Variants in NALCN observed in about 807,000 individuals in gnomAD.
NALCN encodes sodium leak channel, non-selective.
NALCN carries 111 observed loss-of-function variants against 225.3 expected under a neutral mutation model. That is an observed-to-expected ratio of 0.49 (90% CI 0.42 to 0.58). The LOEUF is 0.58. NALCN is among the 20% of genes least tolerant of loss of function. The pLI is 0.00. For missense variants in NALCN, 1,378 were observed against 2,202.4 expected, an observed-to-expected ratio of 0.63 and a Z score of 7.49; for synonymous variants, 764 against 769.0, an observed-to-expected ratio of 0.99 and a Z score of 0.11.
At chr13:101,382,384 C>T (rs1259111621) in intron 3 of NALCN, among the ~76,000 whole-genome samples, 1 of 151,756 alleles carries the variant, frequency 6.6e-6, no homozygotes, top group Non-Finnish European at 1.5e-5. Flanking sequence ...GTTTTTGGAC[C>T]AATGCTTACA....
intron 17 of NALCN, among the ~76,000 whole-genome samples, chr13:101,135,402 ATT>A (rs973219443): frequency 6.6e-6 from 1 of 151,586 alleles, no homozygotes; most frequent in Non-Finnish European, 1.5e-5. Flanking sequence ...AAATTCCAAA[ATT>A]TTTTTTTGTT....
intron 10 of NALCN, among the ~76,000 whole-genome samples, chr13:101,278,825 A>C (rs536866031): frequency 5.9e-5 from 9 of 152,324 alleles, no homozygotes; most frequent in Admixed American, 2.6e-4. Context: ...AACGACATGC[A>C]TATAGAAATA....
intron 6 of NALCN, among the ~76,000 whole-genome samples, chr13:101,346,827 A>T (rs2139306465): frequency 6.6e-6 from 1 of 152,240 alleles, no homozygotes; most frequent in African/African-American, 2.4e-5. Flanking sequence ...ACACAGATTG[A>T]GCAGACGCCA....
At chr13:101,215,641 A>G (rs1594454361) in intron 13 of NALCN, among the ~76,000 whole-genome samples, 1 of 152,006 alleles carries the variant, frequency 6.6e-6, no homozygotes, top group South Asian at 2.1e-4. Context: ...GCTGTTGCCC[A>G]GGGTCTTGGC....
chr13:101,208,482 T>C (rs1293853863), intron 13 of NALCN, among the ~76,000 whole-genome samples: 2 of 152,254 alleles, frequency 1.3e-5, no homozygotes, highest in Non-Finnish European at 1.5e-5. Flanking sequence ...AGGGCTTTAG[T>C]ATTCCCAACT....
intron 17 of NALCN, among the ~76,000 whole-genome samples, chr13:101,132,111 C>T (rs928602403): frequency 6.6e-6 from 1 of 151,732 alleles, no homozygotes; most frequent in Non-Finnish European, 1.5e-5. Context: ...TTAATTTAAG[C>T]CTTTATTTCT....
chr13:101,347,100 C>T (rs926790486), intron 6 of NALCN, among the ~76,000 whole-genome samples: 1 of 151,536 alleles, frequency 6.6e-6, no homozygotes, highest in Non-Finnish European at 1.5e-5. Context: ...AATCCCTTAG[C>T]TATTTGCTGC....
In NALCN at chr13:101,258,475, T is replaced by C. The variant is rs750010677; in HGVS notation, c.1234A>G (p.Arg412Gly). ...AGGTAGAACTCGTCGTACTGCCTCC[T>C]GAAGTTTTCTCCTTTGTAGTAGTTG... ...ASNYYKGENF[R>G]RQYDEFYLAE... is the part of the protein sequence containing the mutation. The change falls in exon 11 of 44, where the codon AGG becomes GGG. Residue 412 changes from arginine (R) to glycine (G), a missense_variant. Coordinates refer to ENST00000251127, the MANE Select transcript of NALCN (RefSeq NM_052867.4). 3 of 1,614,080 alleles carry C rather than the reference T, an allele frequency of 1.9e-6. No homozygotes were observed. The highest frequency in any genetic ancestry group is 2.2e-5 in the South Asian group (2 of 91,084).
At chr13:101,291,422 A>C (rs1267042637) in intron 9 of NALCN, among the ~76,000 whole-genome samples, 2 of 152,200 alleles carry the variant, frequency 1.3e-5, no homozygotes, top group Non-Finnish European at 2.9e-5. Flanking sequence ...AATGTGGTTG[A>C]CGATCTTGGT....
At chr13:101,343,511 A>C (rs1441358207) in intron 7 of NALCN, among the ~76,000 whole-genome samples, 1 of 152,230 alleles carries the variant, frequency 6.6e-6, no homozygotes, top group Non-Finnish European at 1.5e-5. Context: ...TTAAAAAGAC[A>C]TACGCTTTGT....
In NALCN at chr13:101,341,784, T is replaced by C. The variant is rs78603117; in HGVS notation, c.799+3482A>G. Among the ~76,000 whole-genome samples, 17 of 152,336 alleles carry C rather than the reference T, an allele frequency of 1.1e-4. No individual in the cohort carries two copies. The East Asian group carries it at 3.3e-3, about 29-fold the overall frequency. On this transcript the variant is annotated intron_variant, in intron 7 of 43. Transcript: ENST00000251127. ...ACAGAATGCTGATGTTTCCCCCAAA[T>C]TCATTTGTTGAATTTCTAACCCCCA... is the stretch of plus-strand genomic sequence containing the variant.
chr13:101,275,153 T>G (rs1363680138), intron 10 of NALCN, among the ~76,000 whole-genome samples: 1 of 152,156 alleles, frequency 6.6e-6, no homozygotes, highest in Admixed American at 6.5e-5. Flanking sequence ...TTTTTCCCAG[T>G]GCACCTTCAC....
intron 7 of NALCN, among the ~76,000 whole-genome samples, chr13:101,297,212 C>T (rs1047995881): frequency 2.0e-5 from 3 of 152,130 alleles, no homozygotes; most frequent in African/African-American, 7.2e-5. Context: ...ACACTACAAA[C>T]CTGGGGTCCT....
intron 1 of NALCN, among the ~76,000 whole-genome samples, chr13:101,406,237 G>T (rs1407068062): frequency 6.6e-6 from 1 of 151,794 alleles, no homozygotes; most frequent in African/African-American, 2.4e-5. Flanking sequence ...GAGGTGGGAG[G>T]CTCACTTGAG....
intron 31 of NALCN, 60 bp from the exon 32 acceptor site, chr13:101,083,258 C>T (rs533988947): frequency 4.4e-6 from 6 of 1,361,802 alleles, no homozygotes; most frequent in African/African-American, 4.3e-5. Flanking sequence ...ACTTTCTTGT[C>T]GTTTATTTTC....
intron 14 of NALCN, among the ~76,000 whole-genome samples, chr13:101,178,635 CTACT>C (rs1343816733): frequency 6.6e-6 from 1 of 152,172 alleles, no homozygotes; most frequent in Non-Finnish European, 1.5e-5. Context: ...GTAAACCTAC[CTACT>C]TGTCACGGAA....
At chr13:101,404,326 T>C (rs1258667467) in intron 1 of NALCN, among the ~76,000 whole-genome samples, 7 of 152,242 alleles carry the variant, frequency 4.6e-5, no homozygotes, top group Non-Finnish European at 8.8e-5. Context: ...TTTCTTTGCC[T>C]AGATCTCAAA....
Position 101,070,211 on chromosome 13 carries a change from C to T in NALCN, c.4198-1384G>A, listed in dbSNP as rs180976244. ...CCTCCCGAGTAGCTGAGTCTACAGG[C>T]GCCCACCACCATGCCCGGCTAATTT... On this transcript the variant is annotated intron_variant, in intron 37 of 43. Transcript: ENST00000251127. Among the ~76,000 whole-genome samples the T allele has an allele frequency of 2.6e-3, 395 of 152,120 alleles. 2 individuals are homozygous for T. The highest frequency in any genetic ancestry group is 8.9e-3 in the African/African-American group (371 of 41,518).
rs1333750 is a variant in NALCN, at chr13:101,210,474, C to T, written c.1627-18420G>A. The stretch of plus-strand genomic sequence containing the variant: ...GTAATAGTTAATGATAAGCTATTTC[C>T]GCGTCTGGAAATAACTTGTCGGTTT... On this transcript the variant is annotated intron_variant, in intron 13 of 43. Transcript: ENST00000251127. Among the ~76,000 whole-genome samples, 225 of 151,948 alleles carry T rather than the reference C, an allele frequency of 1.5e-3. 1 individual carries two copies. The highest frequency in any genetic ancestry group is 5.3e-3 in the African/African-American group (221 of 41,398).
Sources: allele counts gnomAD v4.1 joint callset (sites outside exome capture counted in the v4.1 genomes callset), GRCh38; gene constraint gnomAD v4.1.1; transcripts MANE v1.5; gene names NCBI Gene and HGNC (gene_info 2026-07-23, HGNC 2026-07-21).